The following LSM8 variants were observed in gnomAD, a reference collection of about 807,000 sequenced individuals.
The protein encoded by LSM8 is LSM8 U6 small nuclear RNA associated.
In LSM8, 14 loss-of-function variants were observed where a neutral mutation model predicts 15.0. That is an observed-to-expected ratio of 0.93 (90% CI 0.62 to 1.46). The LOEUF (loss-of-function observed/expected upper bound fraction) is 1.46, where lower values mean the gene tolerates loss of function less well. Ranked by LOEUF, LSM8 falls within the 40% of genes most tolerant of loss-of-function variation. LSM8 has a pLI of 0.00. For missense variants in LSM8, 90 were observed against 115.4 expected, an observed-to-expected ratio of 0.78 and a Z score of 1.01; for synonymous variants, 50 against 42.1, an observed-to-expected ratio of 1.19 and a Z score of -0.73.
Position 118,192,959 on chromosome 7 carries a change from C to T in LSM8, c.*957C>T, listed in dbSNP as rs999738361. 1.1e-4 allele frequency: 16 copies of T among 152,046 alleles called. No individual in the cohort carries two copies. Among genetic ancestry groups the T allele is most frequent in the African/African-American group, 3.9e-4 (16 of 41,410 alleles). The allele number at this position is 152,046 out of a possible 1,614,324, so 9.4% of individuals were successfully genotyped here. A position where few individuals can be genotyped will look rare whatever the true frequency, so the allele number is the denominator to read the frequency against. The stretch of plus-strand genomic sequence containing the variant: ...GTAGTGTTTAGATATTCAGGCTAGT[C>T]CATAAAATTTCTGATCAACTCATGT... On this transcript the variant is annotated 3_prime_UTR_variant, in exon 4 of 4. Coordinates refer to ENST00000249299, the MANE Select transcript of LSM8 (RefSeq NM_016200.5).
rs998741283 is a variant in LSM8, at chr7:118,201,211, A to C, written c.*9209A>C. On this transcript the variant is annotated 3_prime_UTR_variant, in exon 4 of 4. Coordinates refer to ENST00000249299, the MANE Select transcript of LSM8 (RefSeq NM_016200.5). ...AGTTATTTCGAGTTATTTATATATC[A>C]CAGAATTTTGAACTAAAGATCATCT... Among the ~76,000 whole-genome samples, 4 of 152,062 alleles carry C rather than the reference A, an allele frequency of 2.6e-5. No homozygotes were observed. Among genetic ancestry groups the C allele is most frequent in the Non-Finnish European group, 4.4e-5 (3 of 67,990 alleles).
In LSM8 at chr7:118,199,436, C is replaced by T. The variant is rs1250427528; in HGVS notation, c.*7434C>T. Among the ~76,000 whole-genome samples, 1 of 152,050 alleles carries T rather than the reference C, an allele frequency of 6.6e-6. No individual in the cohort carries two copies. The highest frequency in any genetic ancestry group is 1.5e-5 in the Non-Finnish European group (1 of 67,998). On this transcript the variant is annotated 3_prime_UTR_variant, in exon 4 of 4. Transcript: ENST00000249299. ...GGTAACCTGAAGGAGAAACTGGAGG[C>T]AAATTGTTTCAAGTTAGGAAGCTAT...
rs1233669777 is a variant in LSM8, at chr7:118,203,975, A to G, written c.*11973A>G. 6.6e-6 allele frequency among the ~76,000 whole-genome samples: 1 copy of G among 151,732 alleles called. No homozygotes were observed. The highest frequency in any genetic ancestry group is 2.4e-5 in the African/African-American group (1 of 41,390). On this transcript the variant is annotated 3_prime_UTR_variant, in exon 4 of 4. Coordinates refer to ENST00000249299, the MANE Select transcript of LSM8 (RefSeq NM_016200.5). Reference sequence around the variant, plus strand: ...TTCTAACAATGATTTGTAAATTTTAATACTATAGATATATTGCTGTTAATT... The same window carrying G: ...TTCTAACAATGATTTGTAAATTTTAGTACTATAGATATATTGCTGTTAATT...
rs749925512 is a variant in LSM8, at chr7:118,198,015, T to C, written c.*6013T>C. On this transcript the variant is annotated 3_prime_UTR_variant, in exon 4 of 4. Transcript: ENST00000249299. Reference sequence around the variant, plus strand: ...GCCTAGGAAAAGTACTAAGAAGTAATTGATAGCATTCCCTGATAATTTTGG... The same window carrying C: ...GCCTAGGAAAAGTACTAAGAAGTAACTGATAGCATTCCCTGATAATTTTGG... Among the ~76,000 whole-genome samples the C allele has an allele frequency of 1.3e-5, 2 of 152,166 alleles. No individual in the cohort carries two copies. The highest frequency in any genetic ancestry group is 2.9e-5 in the Non-Finnish European group (2 of 68,016).
At chr7:118,184,370 G>C in intron 1 of LSM8, 116 bp downstream of exon 1, 2 of 1,248,478 alleles carry the variant, frequency 1.6e-6, no homozygotes, top group South Asian at 3.5e-5. Context: ...CGGGCGAGGA[G>C]ATGAGGGCCC....
chr7:118,197,500 C>G lies in LSM8; in HGVS notation c.*5498C>G, dbSNP rs1321704787. ...ACTCTAGAAAACTCATTAACTGATA[C>G]AAGTTGCCAGAAAATGCTGCACTAT... On this transcript the variant is annotated 3_prime_UTR_variant, in exon 4 of 4. Transcript: ENST00000249299. 1.3e-5 allele frequency among the ~76,000 whole-genome samples: 2 copies of G among 152,060 alleles called. No homozygotes were observed. The highest frequency in any genetic ancestry group is 4.8e-5 in the African/African-American group (2 of 41,394).
At position 118,192,015 on chromosome 7, in the gene LSM8, T is replaced by C. The variant is rs752144397; in HGVS notation, c.*13T>C. 1.3e-6 allele frequency: 2 copies of C among 1,566,940 alleles called. No individual in the cohort carries two copies. The highest frequency in any genetic ancestry group is 1.7e-5 in the Admixed American group (1 of 58,790). ...TGTAGCACACTGAGGAAAAACTACA[T>C]ACTTGGACATCTGTAAATCTTTGTA... On this transcript the variant is annotated 3_prime_UTR_variant, in exon 4 of 4. Transcript: ENST00000249299.
chr7:118,201,231 T>C lies in LSM8; in HGVS notation c.*9229T>C, dbSNP rs560331149. ...ATATCACAGAATTTTGAACTAAAGA[T>C]CATCTAGCTGAATTTCCTTTATATT... On this transcript the variant is annotated 3_prime_UTR_variant, in exon 4 of 4. Transcript: ENST00000249299. Among the ~76,000 whole-genome samples, 8 of 152,192 alleles carry C rather than the reference T, an allele frequency of 5.3e-5. No homozygotes were observed. Among genetic ancestry groups the C allele is most frequent in the African/African-American group, 1.4e-4 (6 of 41,556 alleles).
Position 118,195,637 on chromosome 7 carries a change from TC to T in LSM8, c.*3636del, listed in dbSNP as rs987761066. On this transcript the variant is annotated 3_prime_UTR_variant, in exon 4 of 4. Transcript: ENST00000249299. ...ACTCAAGGAGTTTGAAAGTGTAAAC[TC>T]AAAGGTCTTTCACATGTAAAGAGGA... Among the ~76,000 whole-genome samples, 99 of 152,292 alleles carry T rather than the reference TC, an allele frequency of 6.5e-4. No homozygotes were observed. The highest frequency in any genetic ancestry group is 2.3e-3 in the African/African-American group (95 of 41,564).
At position 118,193,069 on chromosome 7, in the gene LSM8, A is replaced by C. The variant is rs78940680; in HGVS notation, c.*1067A>C. 0.07 allele frequency among the ~76,000 whole-genome samples: 10,710 copies of C among 152,162 alleles called. 396 individuals are homozygous for C. The highest frequency in any genetic ancestry group is 0.11 in the East Asian group (566 of 5,188). The stretch of plus-strand genomic sequence containing the variant: ...TAATTGAAACAAATTTAAATAGTTT[A>C]TTTGTTTTGTTTTTATGAAAGTGCT... On this transcript the variant is annotated 3_prime_UTR_variant, in exon 4 of 4. Transcript: ENST00000249299.
rs370858997 is a variant in LSM8, at chr7:118,203,711, CTT to C, written c.*11713_*11714del. Among the ~76,000 whole-genome samples, 16 of 151,808 alleles carry C rather than the reference CTT, an allele frequency of 1.1e-4. No homozygotes were observed. In the East Asian group the frequency reaches 2.7e-3, roughly 26 times the overall value. ...TGGAAAAATCATCAAGATTCTCTTC[CTT>C]TTTATGATTCTATAGTAACAGTTTA... is the stretch of plus-strand genomic sequence containing the variant. On this transcript the variant is annotated 3_prime_UTR_variant, in exon 4 of 4. Coordinates refer to ENST00000249299, the MANE Select transcript of LSM8 (RefSeq NM_016200.5).
At chr7:118,189,854 T>C (rs62466471) in intron 3 of LSM8, 68,007 of 151,656 alleles carry the variant, frequency 0.45, 17,817 homozygotes, top group South Asian at 0.59. Context: ...AGAGTGAAAC[T>C]CCATCTTGAA....
chr7:118,188,503 G>C, intron 3 of LSM8, 98 bp downstream of exon 3: 1 of 1,084,072 alleles, frequency 9.2e-7, no homozygotes, highest in African/African-American at 1.6e-5. Context: ...TCCATACATA[G>C]TTAATAGAAT....
chr7:118,187,198 CT>C (rs75239866), intron 2 of LSM8, among the ~76,000 whole-genome samples: 10,428 of 152,140 alleles, frequency 0.069, 381 homozygotes, highest in East Asian at 0.11. Context: ...ATTTCATTCT[CT>C]TTTTTATTTC....
At chr7:118,191,491 ATGAT>A (rs1348187829) in intron 3 of LSM8, 2 of 153,790 alleles carry the variant, frequency 1.3e-5, no homozygotes, top group Admixed American at 6.5e-5. Flanking sequence ...AGTTACTCAA[ATGAT>A]TGATATTTTT....
Position 118,195,928 on chromosome 7 carries a change from T to C in LSM8, c.*3926T>C, listed in dbSNP as rs1384340051. Reference sequence around the variant, plus strand: ...GCGACAAATTCATTTAATTGTGAGATATCTAGTACTTATGCTCCATCCTGT... The same window carrying C: ...GCGACAAATTCATTTAATTGTGAGACATCTAGTACTTATGCTCCATCCTGT... On this transcript the variant is annotated 3_prime_UTR_variant, in exon 4 of 4. Transcript: ENST00000249299. Among the ~76,000 whole-genome samples, 1 of 152,200 alleles carries C rather than the reference T, an allele frequency of 6.6e-6. No homozygotes were observed. Among genetic ancestry groups the C allele is most frequent in the Non-Finnish European group, 1.5e-5 (1 of 68,020 alleles).
Position 118,199,538 on chromosome 7 carries a change from A to G in LSM8, c.*7536A>G, listed in dbSNP as rs896519465. 2.0e-5 allele frequency among the ~76,000 whole-genome samples: 3 copies of G among 152,164 alleles called. No individual in the cohort carries two copies. The highest frequency in any genetic ancestry group is 4.4e-5 in the Non-Finnish European group (3 of 68,022). ...ATAAAGGCTGGAAGTACAGAGTTTC[A>G]AAAGATGTACATAAATTTATGGAAA... On this transcript the variant is annotated 3_prime_UTR_variant, in exon 4 of 4. Transcript: ENST00000249299.
rs550093692 is a variant in LSM8, at chr7:118,195,625, G to C, written c.*3623G>C. ...CGAATATTCTTGACTCAAGGAGTTT[G>C]AAAGTGTAAACTCAAAGGTCTTTCA... On this transcript the variant is annotated 3_prime_UTR_variant, in exon 4 of 4. Coordinates refer to ENST00000249299, the MANE Select transcript of LSM8 (RefSeq NM_016200.5). Among the ~76,000 whole-genome samples, 1 of 152,160 alleles carries C rather than the reference G, an allele frequency of 6.6e-6. No homozygotes were observed. Among genetic ancestry groups the C allele is most frequent in the African/African-American group, 2.4e-5 (1 of 41,444 alleles).
At position 118,192,653 on chromosome 7, in the gene LSM8, A is replaced by G. The variant is rs1253699403; in HGVS notation, c.*651A>G. On this transcript the variant is annotated 3_prime_UTR_variant, in exon 4 of 4. Coordinates refer to ENST00000249299, the MANE Select transcript of LSM8 (RefSeq NM_016200.5). ...GATTAGTAAAGTCTCTTGATGCCCA[A>G]TTGGTTAGGTATGAAAGTAATATGA... The G allele has an allele frequency of 2.6e-5, 4 of 152,170 alleles. No homozygotes were observed. Among genetic ancestry groups the G allele is most frequent in the African/African-American group, 7.2e-5 (3 of 41,462 alleles). The allele number at this position is 152,170 out of a possible 1,614,324, so 9.4% of individuals were successfully genotyped here.
Sources: allele counts gnomAD v4.1 joint callset (sites outside exome capture counted in the v4.1 genomes callset), GRCh38; gene constraint gnomAD v4.1.1; transcripts MANE v1.5; gene names NCBI Gene and HGNC (gene_info 2026-07-23, HGNC 2026-07-21).